FMN2: variants seen among roughly 807,000 people sequenced by gnomAD.
The protein encoded by FMN2 is formin 2, also known as formin-2.
In FMN2, 51 loss-of-function variants were observed where a neutral mutation model predicts 142.3. That is an observed-to-expected ratio of 0.36 (90% CI 0.29 to 0.45). The LOEUF (loss-of-function observed/expected upper bound fraction) is 0.45. Among genes scored for constraint, FMN2 ranks in the 20% least tolerant of loss-of-function variants. The pLI, the probability that FMN2 is intolerant of heterozygous loss-of-function variation, is 1.00. For synonymous variants in FMN2, 882 were observed against 869.8 expected (o/e 1.01, Z -0.25); for missense variants, 1,936 against 2,122.8 (o/e 0.91, Z 1.73).
intron 16 of FMN2, among the ~76,000 whole-genome samples, chr1:240,448,127 A>G (rs911571312): frequency 6.6e-6 from 1 of 152,222 alleles, no homozygotes; most frequent in African/African-American, 2.4e-5. Context: ...CCTTGAAACT[A>G]CAAACATGAG....
intron 2 of FMN2, chr1:240,143,080 C>G: frequency 6.6e-7 from 1 of 1,519,384 alleles, no homozygotes; most frequent in Non-Finnish European, 9.1e-7. Flanking sequence ...GTACCCTTCC[C>G]TAAATGTGTC....
intron 14 of FMN2, among the ~76,000 whole-genome samples, chr1:240,361,171 A>G (rs1672464760): frequency 1.1e-5 from 1 of 93,586 alleles, no homozygotes; most frequent in Non-Finnish European, 2.3e-5. Flanking sequence ...ATATATATAT[A>G]TATATATATA....
chr1:240,441,058 G>A (rs1233308222), intron 16 of FMN2, among the ~76,000 whole-genome samples: 1 of 147,770 alleles, frequency 6.8e-6, no homozygotes, highest in Admixed American at 6.9e-5. Flanking sequence ...GCGGTGGCGC[G>A]ATCTTGGCTC....
rs114848907 is a variant in FMN2 at position 240,241,220 on chromosome 1, A to T, written c.4066-16725A>T. ...TTGGAATCACTTTGGTGTATTTTCA[A>T]CTCTGGATTTTTTTTTTAATTGTAT... is the stretch of plus-strand genomic sequence containing the variant. On this transcript the variant is annotated intron_variant, in intron 6 of 17. Transcript: ENST00000319653. Among the ~76,000 whole-genome samples the T allele has an allele frequency of 3.3e-3, 493 of 147,602 alleles. 4 individuals carry two copies. Among genetic ancestry groups the T allele is most frequent in the African/African-American group, 0.012 (462 of 39,978 alleles).
At chr1:240,177,265 C>T (rs1664955219) in intron 2 of FMN2, among the ~76,000 whole-genome samples, 1 of 152,136 alleles carries the variant, frequency 6.6e-6, no homozygotes, top group African/African-American at 2.4e-5. Context: ...TGTCTCCTGG[C>T]CCTAGGTATA....
chr1:240,305,467 A>G (rs1336209946), intron 8 of FMN2, among the ~76,000 whole-genome samples: 2 of 152,238 alleles, frequency 1.3e-5, no homozygotes, highest in African/African-American at 4.8e-5. Context: ...GCATAATCAA[A>G]CAGGTTAAAA....
chr1:240,214,899 CTATAAAAAA>C (rs1467083802), intron 6 of FMN2, among the ~76,000 whole-genome samples: 5 of 152,226 alleles, frequency 3.3e-5, no homozygotes, highest in African/African-American at 1.2e-4. Context: ...AATTCTGAAT[CTATAAAAAA>C]TATAAAAATT....
intron 7 of FMN2, among the ~76,000 whole-genome samples, chr1:240,273,825 G>T (rs1448971911): frequency 6.6e-6 from 1 of 152,122 alleles, no homozygotes; most frequent in Non-Finnish European, 1.5e-5. Context: ...GGTGTTGGGG[G>T]ATCTCTCTAT....
intron 13 of FMN2, among the ~76,000 whole-genome samples, chr1:240,349,833 C>A (rs749011015): frequency 1.4e-4 from 21 of 152,292 alleles, no homozygotes; most frequent in Non-Finnish European, 2.2e-4. Context: ...AGTCTCCTAA[C>A]AAATGTTTTT....
At chr1:240,129,591 C>T (rs1326857984) in intron 2 of FMN2, among the ~76,000 whole-genome samples, 3 of 151,552 alleles carry the variant, frequency 2.0e-5, no homozygotes, top group Non-Finnish European at 4.4e-5. Context: ...CAACCTCCGC[C>T]TCCCAGGTTC....
At chr1:240,280,110 T>C (rs957953137) in intron 7 of FMN2, among the ~76,000 whole-genome samples, 3 of 66,770 alleles carry the variant, frequency 4.5e-5, no homozygotes, top group African/African-American at 1.5e-4. Context: ...CTGAGTTTTC[T>C]TTTTTTTATG....
chr1:240,379,545 C>T (rs1474259758), intron 14 of FMN2, among the ~76,000 whole-genome samples: 1 of 152,074 alleles, frequency 6.6e-6, no homozygotes, highest in African/African-American at 2.4e-5. Context: ...AACTGGTTGG[C>T]TTATTTGGGG....
At chr1:240,119,056 G>A (rs989958756) in intron 1 of FMN2, among the ~76,000 whole-genome samples, 26 of 151,618 alleles carry the variant, frequency 1.7e-4, no homozygotes, top group African/African-American at 5.6e-4. Context: ...CTGGCCGGGC[G>A]TGGTGGCTCA....
chr1:240,099,928 C>G (rs191735252), intron 1 of FMN2, among the ~76,000 whole-genome samples: 1 of 152,256 alleles, frequency 6.6e-6, no homozygotes, highest in East Asian at 1.9e-4. Context: ...ACTAATCTGT[C>G]CACAGATATC....
At position 240,233,391 on chromosome 1, in the gene FMN2, G is replaced by GA. The variant is rs61268991; in HGVS notation, c.4065+22171dup. Among the ~76,000 whole-genome samples, 267 of 116,640 alleles carry GA rather than the reference G, an allele frequency of 2.3e-3. 2 individuals carry two copies. Among genetic ancestry groups the GA allele is most frequent in the Admixed American group, 2.8e-3 (30 of 10,626 alleles). 76.5% of individuals were successfully genotyped at this position (116,640 alleles called of 152,430 possible). A position where few individuals can be genotyped will look rare whatever the true frequency, so the allele number is the denominator to read the frequency against. On this transcript the variant is annotated intron_variant, in intron 6 of 17. Transcript: ENST00000319653. Reference sequence around the variant, plus strand: ...CAGAGCGAGACTTCATCTCAAAAAAGAAAAAAAAAAAAAAAGACTGTGTAT... The same window carrying GA: ...CAGAGCGAGACTTCATCTCAAAAAAGAAAAAAAAAAAAAAAAGACTGTGTAT...
At chr1:240,167,242 G>A (rs1029143056) in intron 2 of FMN2, among the ~76,000 whole-genome samples, 5 of 152,146 alleles carry the variant, frequency 3.3e-5, no homozygotes, top group African/African-American at 1.2e-4. Context: ...AGTAATGTTA[G>A]TGCTTCTTTT....
chr1:240,156,698 G>A (rs1490745529), intron 2 of FMN2, among the ~76,000 whole-genome samples: 2 of 152,108 alleles, frequency 1.3e-5, no homozygotes, highest in Non-Finnish European at 2.9e-5. Context: ...GTGATGGGAC[G>A]GAATTATGCA....
intron 6 of FMN2, among the ~76,000 whole-genome samples, chr1:240,255,877 T>A (rs1203081834): frequency 3.3e-5 from 5 of 152,092 alleles, no homozygotes; most frequent in African/African-American, 1.2e-4. Context: ...TATAATGTGA[T>A]GAGAATAGGT....
At chr1:240,145,453 A>G (rs1222705057) in intron 2 of FMN2, 2 of 331,312 alleles carry the variant, frequency 6.0e-6, no homozygotes, top group East Asian at 1.0e-4. Context: ...TAGGGGAAAA[A>G]CTTTTTCTTT....
Sources: gnomAD v4.1 joint callset for allele counts (sites outside exome capture counted in the v4.1 genomes callset) on GRCh38, gnomAD v4.1.1 for gene constraint, MANE v1.5 for transcripts, NCBI Gene and HGNC (gene_info 2026-07-23, HGNC 2026-07-21) for gene names.